Variants in BFSP2 observed in about 807,000 individuals in gnomAD.
BFSP2 encodes beaded filament structural protein 2.
A neutral mutation model predicts 44.9 loss-of-function variants in BFSP2; 38 were observed. The observed-to-expected ratio is 0.85, with a 90% CI of 0.65 to 1.11. BFSP2 has a LOEUF of 1.11. Among genes scored for constraint, BFSP2 ranks in the 50% least tolerant of loss-of-function variants. The probability of loss-of-function intolerance (pLI) is 0.00; values close to 1 mark genes in which losing one functional copy is unlikely to be tolerated. For missense variants in BFSP2, 525 were observed against 533.0 expected, an observed-to-expected ratio of 0.99 and a Z score of 0.15; for synonymous variants, 197 against 209.9, an observed-to-expected ratio of 0.94 and a Z score of 0.53.
intron 1 of BFSP2, among the ~76,000 whole-genome samples, chr3:133,439,545 T>C: frequency 6.6e-6 from 1 of 152,296 alleles, no homozygotes. Flanking sequence ...TGGGGAGTAC[T>C]GAGGATACCT....
At chr3:133,473,029 G>A (rs2074181177) in intron 6 of BFSP2, among the ~76,000 whole-genome samples, 1 of 151,638 alleles carries the variant, frequency 6.6e-6, no homozygotes, top group South Asian at 2.1e-4. Flanking sequence ...CTGGGCTCAA[G>A]TGATCCTCTC....
At chr3:133,409,079 G>A (rs890934826) in intron 1 of BFSP2, among the ~76,000 whole-genome samples, 1 of 152,166 alleles carries the variant, frequency 6.6e-6, no homozygotes, top group Non-Finnish European at 1.5e-5. Context: ...ATAGTCACAC[G>A]AAGAAGAACT....
At chr3:133,401,021 A>G (rs2073358933) in intron 1 of BFSP2, among the ~76,000 whole-genome samples, 1 of 152,208 alleles carries the variant, frequency 6.6e-6, no homozygotes, top group Non-Finnish European at 1.5e-5. Context: ...ATCAAATACC[A>G]TTGGATGGAT....
chr3:133,425,220 T>C (rs981609241), intron 1 of BFSP2, among the ~76,000 whole-genome samples: 4 of 152,192 alleles, frequency 2.6e-5, no homozygotes, highest in Non-Finnish European at 5.9e-5. Context: ...CCAAGCACTA[T>C]GGGAGTTCAA....
At chr3:133,402,302 G>A (rs1232137287) in intron 1 of BFSP2, among the ~76,000 whole-genome samples, 2 of 152,162 alleles carry the variant, frequency 1.3e-5, no homozygotes, top group Non-Finnish European at 2.9e-5. Context: ...AAGAGCCTTT[G>A]CAACTTACTA....
At chr3:133,420,862 A>G (rs1008005421) in intron 1 of BFSP2, among the ~76,000 whole-genome samples, 5 of 152,132 alleles carry the variant, frequency 3.3e-5, no homozygotes, top group Non-Finnish European at 4.4e-5. Context: ...TGTCTCACCC[A>G]TCTCTCCCCC....
At chr3:133,427,980 A>G (rs1282499825) in intron 1 of BFSP2, among the ~76,000 whole-genome samples, 3 of 152,212 alleles carry the variant, frequency 2.0e-5, no homozygotes, top group Non-Finnish European at 4.4e-5. Flanking sequence ...AGATGAGGAA[A>G]CTGATACACA....
At chr3:133,436,412 A>G (rs542465341) in intron 1 of BFSP2, among the ~76,000 whole-genome samples, 1 of 150,310 alleles carries the variant, frequency 6.7e-6, no homozygotes, top group African/African-American at 2.4e-5. Context: ...CCTTGTCTAT[A>G]TGATAGGTTA....
At chr3:133,410,677 C>T in intron 1 of BFSP2, 1 of 263,120 alleles carries the variant, frequency 3.8e-6, no homozygotes, top group Non-Finnish European at 7.8e-6. Flanking sequence ...TGTGTGCAGC[C>T]CGTGGGCGGA....
At chr3:133,460,559 A>G (rs1576594659) in intron 4 of BFSP2, among the ~76,000 whole-genome samples, 1 of 152,112 alleles carries the variant, frequency 6.6e-6, no homozygotes, top group Non-Finnish European at 1.5e-5. Flanking sequence ...TGCCCAGCTG[A>G]TTTCTTTTTT....
intron 1 of BFSP2, among the ~76,000 whole-genome samples, chr3:133,402,857 G>T (rs564851128): frequency 6.6e-6 from 1 of 152,046 alleles, no homozygotes; most frequent in Non-Finnish European, 1.5e-5. Context: ...TGGCCAGGCT[G>T]GTCTTGATCT....
chr3:133,450,523 C>T (rs572450801), intron 4 of BFSP2, 59 bp downstream of exon 4: 3 of 1,593,496 alleles, frequency 1.9e-6, no homozygotes, highest in South Asian at 1.1e-5. Context: ...CCACGCTGAG[C>T]TGCAAACTAG....
intron 1 of BFSP2, among the ~76,000 whole-genome samples, chr3:133,441,510 G>A (rs937148322): frequency 1.3e-5 from 2 of 152,172 alleles, no homozygotes; most frequent in Admixed American, 1.3e-4. Flanking sequence ...TTGGGGAATT[G>A]TTGGTTTTTG....
At chr3:133,464,080 G>A (rs545149955) in intron 4 of BFSP2, among the ~76,000 whole-genome samples, 5 of 152,238 alleles carry the variant, frequency 3.3e-5, no homozygotes, top group African/African-American at 7.2e-5. Flanking sequence ...CTTCCAGGAT[G>A]CCCCACCTCC....
intron 4 of BFSP2, 151 bp from the exon 5 acceptor site, chr3:133,466,677 C>CAACAAAAAAA (rs1277623226): frequency 3.5e-5 from 9 of 259,256 alleles, no homozygotes; most frequent in Admixed American, 1.3e-4. Context: ...TTCATCTCAA[C>CAACAAAAAAA]AAAAAAAAAA....
intron 1 of BFSP2, among the ~76,000 whole-genome samples, chr3:133,408,138 C>A (rs1197311): frequency 0.29 from 44,231 of 151,720 alleles, 7,853 homozygotes; most frequent in East Asian, 0.42. Context: ...GTTAAAATAG[C>A]CCTATTTTAT....
At chr3:133,465,661 G>A (rs975941406) in intron 4 of BFSP2, among the ~76,000 whole-genome samples, 1 of 152,146 alleles carries the variant, frequency 6.6e-6, no homozygotes, top group Non-Finnish European at 1.5e-5. Flanking sequence ...GTTTTCACAA[G>A]GAAACAGGCA....
At position 133,447,340 on chromosome 3, in the gene BFSP2, T is replaced by C. The variant is rs747329950; in HGVS notation, c.513T>C (p.Asn171=). ...AGGTGGGTGAGGCAGTCTTGGAAAA[T>C]GCCCGGCTCATGCTGCAGACAGAAA... ...CQQVGEAVLE[N]ARLMLQTETI... is the part of the protein sequence containing the mutation. Residue 171 remains asparagine, a synonymous_variant, in exon 2 of 7, where the codon AAT becomes AAC. Transcript: ENST00000302334. The C allele has an allele frequency of 1.2e-6, 2 of 1,613,830 alleles. No homozygotes were observed. Among genetic ancestry groups the C allele is most frequent in the Non-Finnish European group, 1.7e-6 (2 of 1,180,012 alleles).
intron 1 of BFSP2, among the ~76,000 whole-genome samples, chr3:133,415,710 T>C: frequency 8.0e-6 from 1 of 125,220 alleles, no homozygotes; most frequent in African/African-American, 3.1e-5. Context: ...ACCCCTGTCC[T>C]CTCCCCTCTA....
Sources: gnomAD v4.1 joint callset for allele counts (sites outside exome capture counted in the v4.1 genomes callset) on GRCh38, gnomAD v4.1.1 for gene constraint, MANE v1.5 for transcripts, NCBI Gene and HGNC (gene_info 2026-07-23, HGNC 2026-07-21) for gene names.